Variants in ESYT3 observed in about 807,000 individuals in gnomAD.
The protein encoded by ESYT3 is extended synaptotagmin-3.
In ESYT3, 101 loss-of-function variants were observed where a neutral mutation model predicts 111.5. That is an observed-to-expected ratio of 0.91 (90% CI 0.77 to 1.07). The LOEUF is 1.07. ESYT3 is among the 50% of genes least tolerant of loss of function. The pLI, the probability that ESYT3 is intolerant of heterozygous loss-of-function variation, is 0.00. For synonymous variants in ESYT3, 416 were observed against 446.8 expected (o/e 0.93, Z 0.87); for missense variants, 1,097 against 1,109.4 (o/e 0.99, Z 0.16).
At chr3:138,451,833 T>G (rs2031948961) in intron 1 of ESYT3, among the ~76,000 whole-genome samples, 1 of 152,236 alleles carries the variant, frequency 6.6e-6, no homozygotes, top group African/African-American at 2.4e-5. Context: ...CTCCACTGGA[T>G]AGTGCGCTGT....
At chr3:138,437,286 G>T (rs1257364730) in intron 1 of ESYT3, among the ~76,000 whole-genome samples, 1 of 152,192 alleles carries the variant, frequency 6.6e-6, no homozygotes, top group Non-Finnish European at 1.5e-5. Context: ...ACCCTACCAG[G>T]TTTCCATATC....
chr3:138,470,569 T>C, intron 16 of ESYT3: 1 of 1,166,984 alleles, frequency 8.6e-7, no homozygotes, highest in Non-Finnish European at 1.1e-6. Context: ...AGCTGGGATC[T>C]TTTAGGGCCC....
intron 1 of ESYT3, among the ~76,000 whole-genome samples, chr3:138,447,882 T>G (rs2031648319): frequency 6.6e-6 from 1 of 152,176 alleles, no homozygotes; most frequent in Non-Finnish European, 1.5e-5. Flanking sequence ...GGAGGATTTT[T>G]TTTTTGTAGA....
At chr3:138,442,909 T>G (rs978444214) in intron 1 of ESYT3, among the ~76,000 whole-genome samples, 1 of 152,204 alleles carries the variant, frequency 6.6e-6, no homozygotes, top group African/African-American at 2.4e-5. Context: ...GCATTGAATA[T>G]TATCTTTTGG....
Position 138,445,029 on chromosome 3 carries a change from G to T in ESYT3, c.328-7019G>T, listed in dbSNP as rs546918370. On this transcript the variant is annotated intron_variant, in intron 1 of 22. Coordinates refer to ENST00000389567, the MANE Select transcript of ESYT3 (RefSeq NM_031913.5). ...GAACCACCAGGAGCTTGTTAAAGACGCAGGTTTCCAGGCTCCTGCCCCAGT... is the reference window on the plus strand; with the variant it reads ...GAACCACCAGGAGCTTGTTAAAGACTCAGGTTTCCAGGCTCCTGCCCCAGT... 3.3e-5 allele frequency among the ~76,000 whole-genome samples: 5 copies of T among 152,284 alleles called. No individual in the cohort carries two copies. The South Asian group carries it at 1.0e-3, about 32-fold the overall frequency.
chr3:138,448,216 G>A (rs2031676552), intron 1 of ESYT3, among the ~76,000 whole-genome samples: 2 of 139,808 alleles, frequency 1.4e-5, no homozygotes, highest in African/African-American at 2.7e-5. Flanking sequence ...GCAGTGAGCC[G>A]AGATTGCACC....
chr3:138,448,893 AG>A (rs1480870963), intron 1 of ESYT3, among the ~76,000 whole-genome samples: 3 of 152,048 alleles, frequency 2.0e-5, no homozygotes, highest in Non-Finnish European at 4.4e-5. Flanking sequence ...GTCCCTAGGC[AG>A]GGTAGGAGAA....
rs748547948 is a variant in ESYT3 at position 138,468,204 on chromosome 3, G to C, written c.1308+10G>C. ...AGAAGTTCTGACTGAGGTGAGTGTG[G>C]GGTGTCAAGGGCTCCCTTGCAGAAA... On this transcript the variant is annotated intron_variant, in intron 12 of 22. Transcript: ENST00000389567. 2.5e-6 allele frequency: 4 copies of C among 1,613,508 alleles called. No homozygotes were observed. In the East Asian group the frequency reaches 6.7e-5, roughly 27 times the overall value.
intron 19 of ESYT3, 78 bp downstream of exon 19, chr3:138,473,712 A>G: frequency 8.2e-7 from 1 of 1,218,998 alleles, no homozygotes; most frequent in Non-Finnish European, 1.2e-6. Flanking sequence ...ACTCAGAGCA[A>G]TGAAAAGGGC....
chr3:138,457,686 G>A, intron 4 of ESYT3, 42 bp downstream of exon 4: 1 of 1,588,216 alleles, frequency 6.3e-7, no homozygotes, highest in South Asian at 1.1e-5. Context: ...GGGTGCAGGG[G>A]ACACAGTGGG....
chr3:138,476,895 T>C lies in ESYT3; in HGVS notation c.*41T>C. 2.0e-6 allele frequency: 3 copies of C among 1,510,998 alleles called. No individual in the cohort carries two copies. The highest frequency in any genetic ancestry group is 2.7e-6 in the Non-Finnish European group (3 of 1,110,068). The allele number at this position is 1,510,998 out of a possible 1,614,324, so 93.6% of individuals were successfully genotyped here. On this transcript the variant is annotated 3_prime_UTR_variant, in exon 23 of 23. Coordinates refer to ENST00000389567, the MANE Select transcript of ESYT3 (RefSeq NM_031913.5). ...TCACTCACCTTTATATTAAAATGTATATATATGTATATATTTTTTCCTTTG... is the reference window on the plus strand; with the variant it reads ...TCACTCACCTTTATATTAAAATGTACATATATGTATATATTTTTTCCTTTG...
chr3:138,453,609 C>T (rs1048772302), intron 2 of ESYT3, among the ~76,000 whole-genome samples: 1 of 152,130 alleles, frequency 6.6e-6, no homozygotes. Flanking sequence ...AAGCCCAAGC[C>T]CACAGGAAAG....
chr3:138,447,389 C>T (rs940105549), intron 1 of ESYT3, among the ~76,000 whole-genome samples: 1 of 152,088 alleles, frequency 6.6e-6, no homozygotes, highest in Admixed American at 6.5e-5. Flanking sequence ...ATTGAAATCT[C>T]ACATGTCTAG....
chr3:138,462,386 C>G (rs2032697444), intron 8 of ESYT3, 180 bp downstream of exon 8: 3 of 809,946 alleles, frequency 3.7e-6, no homozygotes, highest in Admixed American at 2.7e-5. Context: ...TGGGGTGTAT[C>G]CCACTTGGGA....
rs2030641692 is a variant in ESYT3, at chr3:138,435,898, C to CA, written c.327+775dup. Among the ~76,000 whole-genome samples the CA allele has an allele frequency of 1.3e-5, 2 of 152,300 alleles. No individual in the cohort carries two copies. Among genetic ancestry groups the CA allele is most frequent in the East Asian group, 3.9e-4 (2 of 5,182 alleles). ...ATTAGGTGAGCTTGGGAAACACCGGCAAGAGGGGTGTTCCGTCCAATGGTT... is the reference window on the plus strand; with the variant it reads ...ATTAGGTGAGCTTGGGAAACACCGGCAAAGAGGGGTGTTCCGTCCAATGGTT... On this transcript the variant is annotated intron_variant, in intron 1 of 22. Transcript: ENST00000389567. The surrounding 1 kb of genome is among the most constrained non-coding windows in gnomAD (Gnocchi z 4.8).
chr3:138,438,882 A>G (rs2030928940), intron 1 of ESYT3, among the ~76,000 whole-genome samples: 2 of 152,216 alleles, frequency 1.3e-5, no homozygotes, highest in Admixed American at 1.3e-4. Flanking sequence ...GCCTGACGAC[A>G]TGGGGAAGAA....
intron 18 of ESYT3, chr3:138,473,168 T>C (rs1006378283): frequency 7.9e-7 from 1 of 1,272,290 alleles, no homozygotes; most frequent in African/African-American, 1.5e-5. Context: ...AATTATGTAA[T>C]AAATGGCTGT....
At chr3:138,453,805 T>C (rs1487965705) in intron 2 of ESYT3, among the ~76,000 whole-genome samples, 1 of 152,192 alleles carries the variant, frequency 6.6e-6, no homozygotes, top group Non-Finnish European at 1.5e-5. Context: ...AGCAGCAACC[T>C]GCTTCTTCCA....
At position 138,455,233 on chromosome 3, in the gene ESYT3, G is replaced by A; in HGVS notation, c.409G>A (p.Glu137Lys). 1.2e-6 allele frequency: 2 copies of A among 1,614,174 alleles called. No homozygotes were observed. The highest frequency in any genetic ancestry group is 1.7e-6 in the Non-Finnish European group (2 of 1,180,032). The change falls in exon 3 of 23, where the codon GAA (glutamate) becomes AAA (lysine). Residue 137 changes from glutamate to lysine, a missense_variant. Glu to Lys is a moderately conservative substitution (Grantham distance 56). Coordinates refer to ENST00000389567, the MANE Select transcript of ESYT3 (RefSeq NM_031913.5). ...QTWPYLSMIM[E>K]SKFREKLEPK... is the part of the protein sequence containing the mutation. ...CTGGCCCTACCTAAGCATGATCATG[G>A]AAAGCAAGTTCCGGGAGAAACTTGA...
Sources: allele counts gnomAD v4.1 joint callset (sites outside exome capture counted in the v4.1 genomes callset), GRCh38; gene constraint gnomAD v4.1.1; non-coding constraint Gnocchi (gnomAD v3.1); transcripts MANE v1.5; gene names NCBI Gene and HGNC (gene_info 2026-07-23, HGNC 2026-07-21).